RCAN2: variants seen among roughly 807,000 people sequenced by gnomAD.
The protein encoded by RCAN2 is calcipressin-2.
Under a neutral mutation model 23.6 loss-of-function variants are expected in RCAN2, and 9 were observed. The observed-to-expected ratio is 0.38, with a 90% CI of 0.23 to 0.67. The LOEUF is 0.67. Ranked by LOEUF, RCAN2 falls within the 30% of genes least tolerant of loss-of-function variation. RCAN2 has a pLI of 0.51. For synonymous variants in RCAN2, 109 were observed against 115.7 expected (o/e 0.94, Z 0.37); for missense variants, 273 against 302.3 (o/e 0.90, Z 0.72).
chr6:46,450,660 T>A (rs924927550), intron 2 of RCAN2, among the ~76,000 whole-genome samples: 1 of 152,072 alleles, frequency 6.6e-6, no homozygotes, highest in Non-Finnish European at 1.5e-5. Flanking sequence ...TGCAGGATAG[T>A]ATGTTAAGTG....
At chr6:46,352,250 A>G (rs971772550) in intron 2 of RCAN2, among the ~76,000 whole-genome samples, 1 of 152,226 alleles carries the variant, frequency 6.6e-6, no homozygotes, top group Non-Finnish European at 1.5e-5. Context: ...ATCTACGATA[A>G]TCAACATGTT....
chr6:46,318,878 T>C (rs916270310), intron 2 of RCAN2, among the ~76,000 whole-genome samples: 10 of 152,140 alleles, frequency 6.6e-5, no homozygotes. Context: ...CTAGGGAAGG[T>C]CTAACTTGGT....
intron 2 of RCAN2, among the ~76,000 whole-genome samples, chr6:46,359,709 G>C (rs77333847): frequency 0.011 from 1,749 of 152,234 alleles, 27 homozygotes; most frequent in African/African-American, 0.039. Context: ...TAAGAACGAG[G>C]AAGAAGCATA....
chr6:46,347,460 T>C (rs1764521762), intron 2 of RCAN2, among the ~76,000 whole-genome samples: 1 of 152,124 alleles, frequency 6.6e-6, no homozygotes, highest in Admixed American at 6.5e-5. Flanking sequence ...TATAAGAAAA[T>C]TCTTCAGATT....
chr6:46,420,736 G>A (rs1283941455), intron 2 of RCAN2, among the ~76,000 whole-genome samples: 1 of 151,794 alleles, frequency 6.6e-6, no homozygotes, highest in Non-Finnish European at 1.5e-5. Flanking sequence ...TAGTAGAGAT[G>A]GGGTTTTATC....
chr6:46,292,713 T>C (rs1762608041), intron 2 of RCAN2, among the ~76,000 whole-genome samples: 1 of 152,182 alleles, frequency 6.6e-6, no homozygotes, highest in Non-Finnish European at 1.5e-5. Context: ...GCCATTCTTT[T>C]ATTTTTATTT....
At chr6:46,408,116 G>A (rs1021395845) in intron 2 of RCAN2, among the ~76,000 whole-genome samples, 1 of 152,146 alleles carries the variant, frequency 6.6e-6, no homozygotes, top group Non-Finnish European at 1.5e-5. Flanking sequence ...CTGGAATCAC[G>A]AATATTTTAT....
intron 2 of RCAN2, among the ~76,000 whole-genome samples, chr6:46,315,931 AAGAGACAAGAAAAGAGG>A (rs2150359238): frequency 6.6e-6 from 1 of 151,228 alleles, no homozygotes; most frequent in Admixed American, 6.6e-5. Context: ...AGAGGTTTGG[AAGAGACAAGAAAAGAGG>A]TTTGGAAGAG....
intron 2 of RCAN2, among the ~76,000 whole-genome samples, chr6:46,456,062 G>A (rs1190515247): frequency 6.6e-6 from 1 of 152,098 alleles, no homozygotes. Context: ...GTCTCCAAAT[G>A]GAATATTTAC....
intron 2 of RCAN2, among the ~76,000 whole-genome samples, chr6:46,384,610 G>A (rs934521215): frequency 6.6e-6 from 1 of 152,198 alleles, no homozygotes; most frequent in African/African-American, 2.4e-5. Flanking sequence ...GCCAACAACA[G>A]ATGGATACCA....
At chr6:46,458,895 A>G (rs6917197) in intron 1 of RCAN2, among the ~76,000 whole-genome samples, 20,878 of 73,866 alleles carry the variant, frequency 0.28, 2,721 homozygotes, top group African/African-American at 0.39. Flanking sequence ...ACGCGCGCGC[A>G]CGTGTGTGTG....
chr6:46,346,514 A>G (rs1480174064), intron 2 of RCAN2, among the ~76,000 whole-genome samples: 2 of 152,216 alleles, frequency 1.3e-5, no homozygotes, highest in Non-Finnish European at 2.9e-5. Context: ...CTAATAAAAT[A>G]TATGTCTAAC....
At chr6:46,322,127 G>A (rs570809419) in intron 2 of RCAN2, among the ~76,000 whole-genome samples, 10 of 152,200 alleles carry the variant, frequency 6.6e-5, no homozygotes, top group African/African-American at 1.2e-4. Context: ...TGTAAATTTC[G>A]TTACCAATCT....
At chr6:46,409,799 G>C (rs1258976408) in intron 2 of RCAN2, among the ~76,000 whole-genome samples, 2 of 152,210 alleles carry the variant, frequency 1.3e-5, no homozygotes, top group African/African-American at 4.8e-5. Context: ...TCGTGTGATA[G>C]TTAATTTTAG....
At chr6:46,397,372 AACACACACACACACACACAC>A (rs58494804) in intron 2 of RCAN2, among the ~76,000 whole-genome samples, 1 of 146,138 alleles carries the variant, frequency 6.8e-6, no homozygotes, top group Non-Finnish European at 1.5e-5. Context: ...ATTTCACAGA[AACACACACACACACACACAC>A]ACACACACAC....
intron 2 of RCAN2, among the ~76,000 whole-genome samples, chr6:46,412,873 G>A (rs1766588363): frequency 6.6e-6 from 1 of 152,116 alleles, no homozygotes; most frequent in African/African-American, 2.4e-5. Flanking sequence ...TGCCAGAGGA[G>A]GAAGCCAGAG....
At chr6:46,277,255 C>G (rs1767745088) in intron 2 of RCAN2, among the ~76,000 whole-genome samples, 1 of 152,156 alleles carries the variant, frequency 6.6e-6, no homozygotes, top group South Asian at 2.1e-4. Context: ...GGCTATTTAC[C>G]TGATCTTGTT....
intron 1 of RCAN2, among the ~76,000 whole-genome samples, chr6:46,469,070 C>A (rs1159295286): frequency 6.6e-6 from 1 of 152,090 alleles, no homozygotes; most frequent in Non-Finnish European, 1.5e-5. Flanking sequence ...ATTGTAATAC[C>A]CTCAGGTTCC....
At position 46,245,109 on chromosome 6, in the gene RCAN2, T is replaced by G. The variant is rs1766468921; in HGVS notation, c.571+1639A>C. On this transcript the variant is annotated intron_variant, in intron 4 of 4. Transcript: ENST00000371374. ...GGATCCTGGATGTGAACCAGACGTT[T>G]AATGAAATCATATTTCACTAACATC... is the stretch of plus-strand genomic sequence containing the variant. Among the ~76,000 whole-genome samples the G allele has an allele frequency of 2.0e-5, 3 of 152,354 alleles. No homozygotes were observed. The South Asian group carries it at 6.2e-4, about 32-fold the overall frequency.
Sources: gnomAD v4.1 joint callset for allele counts (sites outside exome capture counted in the v4.1 genomes callset) on GRCh38, gnomAD v4.1.1 for gene constraint, MANE v1.5 for transcripts, NCBI Gene and HGNC (gene_info 2026-07-23, HGNC 2026-07-21) for gene names.